The following SPIDR variants were observed in gnomAD, a reference collection of about 807,000 sequenced individuals.
SPIDR encodes scaffold protein involved in DNA repair, also known as DNA repair-scaffolding protein.
In SPIDR, 93 loss-of-function variants were observed where a neutral mutation model predicts 104.6. That is an observed-to-expected ratio of 0.89 (90% CI 0.75 to 1.06). SPIDR has a LOEUF of 1.06. Ranked by LOEUF, SPIDR falls within the 50% of genes least tolerant of loss-of-function variation. The pLI, the probability that SPIDR is intolerant of heterozygous loss-of-function variation, is 0.00. For synonymous variants in SPIDR, 431 were observed against 416.9 expected, an observed-to-expected ratio of 1.03 and a Z score of -0.41; for missense variants, 1,154 against 1,111.2, an observed-to-expected ratio of 1.04 and a Z score of -0.55.
At chr8:47,645,496 C>T (rs1032145040) in intron 10 of SPIDR, among the ~76,000 whole-genome samples, 2 of 151,968 alleles carry the variant, frequency 1.3e-5, no homozygotes, top group South Asian at 2.1e-4. Context: ...ATGCGCTTAC[C>T]GTGGAGGAGA....
intron 11 of SPIDR, among the ~76,000 whole-genome samples, chr8:47,691,847 C>A (rs914820000): frequency 6.6e-6 from 1 of 152,208 alleles, no homozygotes; most frequent in African/African-American, 2.4e-5. Flanking sequence ...AAAGGAAGCG[C>A]AACCACTCCA....
At chr8:47,377,787 G>A (rs2058838347) in intron 5 of SPIDR, among the ~76,000 whole-genome samples, 1 of 152,158 alleles carries the variant, frequency 6.6e-6, no homozygotes, top group Non-Finnish European at 1.5e-5. Flanking sequence ...CGCGTCAAGG[G>A]CCAGTCACCT....
At chr8:47,402,947 A>G (rs2062117390) in intron 6 of SPIDR, among the ~76,000 whole-genome samples, 1 of 152,232 alleles carries the variant, frequency 6.6e-6, no homozygotes, top group Non-Finnish European at 1.5e-5. Flanking sequence ...CAATGCAAAA[A>G]TCCTCAATAA....
At chr8:47,555,374 G>T (rs2091195810) in intron 8 of SPIDR, among the ~76,000 whole-genome samples, 1 of 152,108 alleles carries the variant, frequency 6.6e-6, no homozygotes, top group Admixed American at 6.6e-5. Flanking sequence ...ATACTGTAGA[G>T]ATTCAATAAA....
intron 8 of SPIDR, among the ~76,000 whole-genome samples, chr8:47,542,836 T>C (rs1487245091): frequency 6.6e-6 from 1 of 152,218 alleles, no homozygotes; most frequent in East Asian, 1.9e-4. Context: ...AGGCATACTA[T>C]TTTCTTCCAC....
At chr8:47,398,766 G>C (rs553499684) in intron 6 of SPIDR, among the ~76,000 whole-genome samples, 1 of 152,178 alleles carries the variant, frequency 6.6e-6, no homozygotes, top group Non-Finnish European at 1.5e-5. Context: ...AGTGCTGGGC[G>C]AGAGGAGAAC....
At chr8:47,589,394 C>T (rs907986338) in intron 8 of SPIDR, among the ~76,000 whole-genome samples, 7 of 151,724 alleles carry the variant, frequency 4.6e-5, no homozygotes, top group African/African-American at 7.3e-5. Flanking sequence ...TGGTGGCGCG[C>T]GCCTGTAGTC....
intron 10 of SPIDR, among the ~76,000 whole-genome samples, chr8:47,647,661 A>AGAGAGAGG (rs1563416283): frequency 1.1e-4 from 16 of 143,360 alleles, no homozygotes; most frequent in South Asian, 2.3e-4. Flanking sequence ...AGAGGGAGAG[A>AGAGAGAGG]GAGAGAGGGA....
chr8:47,365,482 A>G (rs1453660882), intron 5 of SPIDR, among the ~76,000 whole-genome samples: 1 of 152,068 alleles, frequency 6.6e-6, no homozygotes, highest in Non-Finnish European at 1.5e-5. Context: ...TTTAACCCCC[A>G]TGGTGTGCAG....
At chr8:47,466,434 A>G (rs889767195) in intron 8 of SPIDR, among the ~76,000 whole-genome samples, 28 of 152,216 alleles carry the variant, frequency 1.8e-4, no homozygotes, top group African/African-American at 6.8e-4. Flanking sequence ...TGGGTAAATA[A>G]TAAAATTAGA....
chr8:47,590,888 T>C (rs1392046076), intron 8 of SPIDR, among the ~76,000 whole-genome samples: 1 of 152,222 alleles, frequency 6.6e-6, no homozygotes, highest in Non-Finnish European at 1.5e-5. Context: ...TTTGTGTCAT[T>C]ATGTAATGTG....
chr8:47,407,728 G>A, intron 6 of SPIDR, 133 bp from the exon 7 acceptor site: 1 of 447,156 alleles, frequency 2.2e-6, no homozygotes, highest in South Asian at 5.8e-5. Context: ...AGATAATGTG[G>A]TAACAAATAT....
chr8:47,524,753 G>A (rs1211510239), intron 8 of SPIDR, among the ~76,000 whole-genome samples: 6 of 152,182 alleles, frequency 3.9e-5, no homozygotes, highest in Non-Finnish European at 8.8e-5. Flanking sequence ...AACACTCAGA[G>A]GTTGGAAGGG....
chr8:47,675,838 AC>A (rs2076371981), intron 11 of SPIDR, among the ~76,000 whole-genome samples: 1 of 152,164 alleles, frequency 6.6e-6, no homozygotes, highest in Non-Finnish European at 1.5e-5. Context: ...TTCATTGTAA[AC>A]ATTTCAGACT....
intron 10 of SPIDR, among the ~76,000 whole-genome samples, chr8:47,642,932 A>G (rs1035284553): frequency 3.9e-5 from 6 of 152,228 alleles, no homozygotes; most frequent in Non-Finnish European, 7.3e-5. Context: ...GATAGAAGGC[A>G]GGAACATGTA....
chr8:47,639,763 C>T (rs951404935), intron 10 of SPIDR, among the ~76,000 whole-genome samples: 7 of 151,980 alleles, frequency 4.6e-5, no homozygotes, highest in African/African-American at 1.7e-4. Flanking sequence ...GCCAGGCAAA[C>T]ATGGTGAAAC....
At chr8:47,626,947 A>G (rs1200427085) in intron 10 of SPIDR, among the ~76,000 whole-genome samples, 1 of 152,220 alleles carries the variant, frequency 6.6e-6, no homozygotes, top group African/African-American at 2.4e-5. Flanking sequence ...ACGTATGTTT[A>G]TTGTGGCACT....
intron 5 of SPIDR, among the ~76,000 whole-genome samples, chr8:47,390,687 G>A (rs1554651273): frequency 6.7e-6 from 1 of 149,384 alleles, no homozygotes; most frequent in African/African-American, 2.5e-5. Flanking sequence ...CTACCTTTCT[G>A]TGCCGTTAAA....
chr8:47,650,596 G>T (rs2071431186), intron 10 of SPIDR, among the ~76,000 whole-genome samples: 1 of 152,062 alleles, frequency 6.6e-6, no homozygotes, highest in Non-Finnish European at 1.5e-5. Context: ...CACAGAATTA[G>T]AAAAAACAGT....
Sources: gnomAD v4.1 joint callset for allele counts (sites outside exome capture counted in the v4.1 genomes callset) on GRCh38, gnomAD v4.1.1 for gene constraint, MANE v1.5 for transcripts, NCBI Gene and HGNC (gene_info 2026-07-23, HGNC 2026-07-21) for gene names.